The following GPR89B variants were observed in gnomAD, a reference collection of about 807,000 sequenced individuals.
The protein encoded by GPR89B is G protein-coupled receptor 89B.
GPR89B carries 25 observed loss-of-function variants against 52.4 expected under a neutral mutation model. The ratio of observed to expected loss-of-function variants is 0.48; its 90% CI spans 0.35 to 0.67. GPR89B has a LOEUF of 0.67. Among genes scored for constraint, GPR89B ranks in the 30% least tolerant of loss-of-function variants. GPR89B has a pLI of 0.01. For synonymous variants in GPR89B, 52 were observed against 151.2 expected, an observed-to-expected ratio of 0.34 and a Z score of 4.81; for missense variants, 146 against 450.2, an observed-to-expected ratio of 0.32 and a Z score of 6.11.
At chr1:148,007,206 G>C in the GPR89B span, among the ~76,000 whole-genome samples, 1 of 139,320 alleles carries the variant, frequency 7.2e-6, no homozygotes, top group Non-Finnish European at 1.5e-5. Flanking sequence ...CTCCTGAGTA[G>C]CTGGAACTAC....
chr1:147,978,312 T>C (rs1436988977), intron 10 of GPR89B, among the ~76,000 whole-genome samples: 9 of 151,918 alleles, frequency 5.9e-5, no homozygotes, highest in African/African-American at 7.3e-5. Context: ...CCCTCTCGCA[T>C]CTGGAGGTAT....
rs56311138 is a variant in GPR89B at position 147,931,560 on chromosome 1, T to TTG, written c.42+2996_42+2997dup. The stretch of plus-strand genomic sequence containing the variant: ...GGATGTAAATGAATTCTCCAGCTAC[T>TTG]TGTGTGTGTGTGTGTAGTTTAAGTC... On this transcript the variant is annotated intron_variant, in intron 1 of 13. Coordinates refer to ENST00000314163, the MANE Select transcript of GPR89B (RefSeq NM_016334.5). 4.2e-4 allele frequency among the ~76,000 whole-genome samples: 63 copies of TTG among 151,718 alleles called. 1 individual carries two copies. Among genetic ancestry groups the TTG allele is most frequent in the East Asian group, 3.7e-3 (19 of 5,178 alleles).
chr1:148,004,426 A>C, the GPR89B span, among the ~76,000 whole-genome samples: 2 of 148,452 alleles, frequency 1.3e-5, no homozygotes, highest in African/African-American at 2.5e-5. Context: ...CGGCCTCCCA[A>C]AGTGCTGGGA....
chr1:147,962,668 G>A (rs1490841582), intron 7 of GPR89B, among the ~76,000 whole-genome samples: 4 of 151,896 alleles, frequency 2.6e-5, no homozygotes, highest in Admixed American at 6.5e-5. Flanking sequence ...AAGCCAAGGC[G>A]GACGGATCAC....
chr1:147,963,955 TTATA>T (rs1476377223), intron 7 of GPR89B, among the ~76,000 whole-genome samples: 1 of 152,110 alleles, frequency 6.6e-6, no homozygotes, highest in Non-Finnish European at 1.5e-5. Flanking sequence ...ATGATTCTAG[TTATA>T]TATACATTTT....
In GPR89B at chr1:147,981,611, T is replaced by G. The variant is rs1435758217; in HGVS notation, c.910-4588T>G. On this transcript the variant is annotated intron_variant, in intron 10 of 13. Transcript: ENST00000314163. ...TGTACATTAGGATTGTTTCTACTTT[T>G]GGGCCATTATCAATAATGCTGATGT... Among the ~76,000 whole-genome samples, 813 of 151,452 alleles carry G rather than the reference T, an allele frequency of 5.4e-3. 17 individuals are homozygous for G. Among genetic ancestry groups the G allele is most frequent in the African/African-American group, 0.019 (769 of 40,988 alleles).
intron 9 of GPR89B, chr1:147,969,279 A>T: frequency 2.6e-6 from 1 of 379,532 alleles, no homozygotes; most frequent in Non-Finnish European, 4.8e-6. Flanking sequence ...TTATTCCTTT[A>T]TAAGTTAGTA....
intron 7 of GPR89B, among the ~76,000 whole-genome samples, chr1:147,964,976 A>G (rs1571283324): frequency 6.6e-6 from 1 of 151,970 alleles, no homozygotes. Flanking sequence ...TTCTTTGTGT[A>G]TGTGTTCTAG....
At chr1:147,933,044 C>A (rs1186054005) in intron 1 of GPR89B, among the ~76,000 whole-genome samples, 3 of 152,022 alleles carry the variant, frequency 2.0e-5, no homozygotes, top group African/African-American at 7.3e-5. Flanking sequence ...TACTACTTAG[C>A]CTGGAGTATA....
intron 10 of GPR89B, among the ~76,000 whole-genome samples, 188 bp downstream of exon 10, chr1:147,970,147 G>C (rs1180141970): frequency 7.2e-6 from 1 of 139,044 alleles, no homozygotes; most frequent in African/African-American, 2.7e-5. Context: ...CATAGATAAG[G>C]AAGGTTGCAT....
chr1:147,970,411 C>T (rs1290704176), intron 10 of GPR89B, among the ~76,000 whole-genome samples: 3 of 152,064 alleles, frequency 2.0e-5, no homozygotes, highest in South Asian at 2.1e-4. Flanking sequence ...GCAGGAGAAT[C>T]GCTTGAACCC....
intron 5 of GPR89B, 99 bp downstream of exon 5, chr1:147,944,197 AT>A: frequency 5.2e-6 from 5 of 952,568 alleles, no homozygotes; most frequent in Non-Finnish European, 7.7e-6. Context: ...GAAAAAATGT[AT>A]TTGGGGAAAT....
downstream of GPR89B, among the ~76,000 whole-genome samples, chr1:147,998,039 G>T (rs1262656435): frequency 1.3e-5 from 2 of 152,052 alleles, no homozygotes; most frequent in African/African-American, 4.8e-5. Flanking sequence ...CTTGAATACC[G>T]AAGAGGCATA....
chr1:148,023,075 A>G, the GPR89B span, among the ~76,000 whole-genome samples: 1 of 151,306 alleles, frequency 6.6e-6, no homozygotes, highest in East Asian at 1.9e-4. Flanking sequence ...TAGTTTTTCA[A>G]CCCACTCTCC....
the GPR89B span, among the ~76,000 whole-genome samples, chr1:148,003,360 C>T: frequency 3.3e-5 from 5 of 152,062 alleles, no homozygotes; most frequent in East Asian, 5.8e-4. Context: ...TCAGGTCCAG[C>T]GGTGTGCTAT....
chr1:148,008,088 A>AG, the GPR89B span, among the ~76,000 whole-genome samples: 1 of 151,800 alleles, frequency 6.6e-6, no homozygotes, highest in Non-Finnish European at 1.5e-5. Context: ...AAACAGGATA[A>AG]GGGGGGACTC....
intron 4 of GPR89B, 141 bp downstream of exon 4, chr1:147,943,685 TAAATATA>T (rs1332924971): frequency 1.8e-6 from 1 of 564,662 alleles, no homozygotes; most frequent in Non-Finnish European, 3.1e-6. Context: ...ATCTTAAAAA[TAAATATA>T]AAATAAATAT....
chr1:147,932,446 T>G (rs1359784153), intron 1 of GPR89B, among the ~76,000 whole-genome samples: 12 of 152,100 alleles, frequency 7.9e-5, no homozygotes, highest in African/African-American at 9.7e-5. Context: ...CTGTGTAGTT[T>G]GCCAACGCCA....
At position 147,969,866 on chromosome 1, in the gene GPR89B, G is replaced by A. The variant is rs1657289537; in HGVS notation, c.817-1G>A. On this transcript the variant is annotated splice_acceptor_variant, in intron 9 of 13. Coordinates refer to ENST00000314163, the MANE Select transcript of GPR89B (RefSeq NM_016334.5). LOFTEE classifies it high-confidence loss of function. Reference sequence around the variant, plus strand: ...TATGTTTTGTGTTTGTTTTCCCCCAGGAGAGAATAGAATACTCCAAAACCT... The same window carrying A: ...TATGTTTTGTGTTTGTTTTCCCCCAAGAGAGAATAGAATACTCCAAAACCT... 6.9e-6 allele frequency: 10 copies of A among 1,440,162 alleles called. No individual in the cohort carries two copies. The highest frequency in any genetic ancestry group is 5.9e-5 in the African/African-American group (4 of 67,958). The allele number at this position is 1,440,162 out of a possible 1,614,324, so 89.2% of individuals were successfully genotyped here.
Sources: gnomAD v4.1 joint callset for allele counts (sites outside exome capture counted in the v4.1 genomes callset) on GRCh38, gnomAD v4.1.1 for gene constraint, MANE v1.5 for transcripts, NCBI Gene and HGNC (gene_info 2026-07-23, HGNC 2026-07-21) for gene names.